Variants in GCH1 observed in about 807,000 individuals in gnomAD.
The protein encoded by GCH1 is GTP cyclohydrolase I.
In GCH1, 5 loss-of-function variants were observed where a neutral mutation model predicts 25.9. The observed-to-expected ratio is 0.19, with a 90% CI of 0.10 to 0.41. The LOEUF is 0.41. GCH1 is among the 10% of genes least tolerant of loss of function. The pLI, the probability that GCH1 is intolerant of heterozygous loss-of-function variation, is 1.00. For missense variants in GCH1, 261 were observed against 336.5 expected, an observed-to-expected ratio of 0.78 and a Z score of 1.75; for synonymous variants, 159 against 129.6, an observed-to-expected ratio of 1.23 and a Z score of -1.54.
At chr14:54,876,677 A>C (rs1395978737) in intron 1 of GCH1, among the ~76,000 whole-genome samples, 1 of 152,118 alleles carries the variant, frequency 6.6e-6, no homozygotes, top group East Asian at 1.9e-4. Context: ...AAATCATAAT[A>C]ATAATAATAA....
At chr14:54,874,959 T>G (rs1351410684) in intron 1 of GCH1, among the ~76,000 whole-genome samples, 1 of 152,090 alleles carries the variant, frequency 6.6e-6, no homozygotes, top group Non-Finnish European at 1.5e-5. Context: ...CTTCACAGAA[T>G]TGGAAAAAAC....
intron 1 of GCH1, among the ~76,000 whole-genome samples, chr14:54,867,661 T>C (rs1409256130): frequency 1.4e-5 from 2 of 145,754 alleles, no homozygotes; most frequent in Admixed American, 1.4e-4. Context: ...GGCAAGGTAC[T>C]CTGTACCTCA....
intron 1 of GCH1, among the ~76,000 whole-genome samples, chr14:54,876,076 A>G (rs2040155310): frequency 6.6e-6 from 1 of 152,248 alleles, no homozygotes; most frequent in African/African-American, 2.4e-5. Flanking sequence ...TATTCACAAT[A>G]GCAAAGACTT....
intron 1 of GCH1, among the ~76,000 whole-genome samples, chr14:54,896,775 C>G (rs1236551298): frequency 6.6e-6 from 1 of 151,346 alleles, no homozygotes; most frequent in Non-Finnish European, 1.5e-5. Context: ...AAAAAATTAG[C>G]CGGGTGTGGT....
intron 1 of GCH1, among the ~76,000 whole-genome samples, chr14:54,883,582 G>A (rs373802215): frequency 2.6e-5 from 4 of 152,142 alleles, no homozygotes; most frequent in Middle Eastern, 3.2e-3. Context: ...GGGAGGCTGA[G>A]GCAGGAGAAT....
At chr14:54,845,617 G>T (rs2039630260) in intron 5 of GCH1, 151 bp downstream of exon 5, 1 of 699,598 alleles carries the variant, frequency 1.4e-6, no homozygotes, top group Non-Finnish European at 2.6e-6. Context: ...AATGAAAGTG[G>T]TAAAAGAGCT....
intron 1 of GCH1, among the ~76,000 whole-genome samples, chr14:54,879,420 CAAAAAAAAAAAAA>C (rs34163543): frequency 2.2e-4 from 13 of 59,910 alleles, no homozygotes; most frequent in South Asian, 6.0e-4. Context: ...GTCCCTGTCT[CAAAAAAAAAAAAA>C]AAAAAAAAAA....
At chr14:54,862,186 C>T (rs2039906969) in intron 2 of GCH1, among the ~76,000 whole-genome samples, 1 of 151,956 alleles carries the variant, frequency 6.6e-6, no homozygotes, top group Admixed American at 6.6e-5. Flanking sequence ...TATGCACCCA[C>T]CATGCCCAAT....
At chr14:54,893,034 A>G (rs914571556) in intron 1 of GCH1, among the ~76,000 whole-genome samples, 52 of 152,202 alleles carry the variant, frequency 3.4e-4, no homozygotes, top group Middle Eastern at 6.4e-3. Context: ...AGCTGAGATC[A>G]TGCCACCGCA....
intron 4 of GCH1, among the ~76,000 whole-genome samples, 200 bp from the exon 5 acceptor site, chr14:54,846,052 A>T (rs2140042100): frequency 6.6e-6 from 1 of 152,328 alleles, no homozygotes; most frequent in East Asian, 1.9e-4. Context: ...CCTGAAGTAC[A>T]GGGCTAAAGA....
chr14:54,845,903 A>C, intron 4 of GCH1, 51 bp from the exon 5 acceptor site: 1 of 976,916 alleles, frequency 1.0e-6, no homozygotes, highest in Non-Finnish European at 1.7e-6. Flanking sequence ...AAACAGCTGG[A>C]AGCTTTTTCT....
intron 3 of GCH1, among the ~76,000 whole-genome samples, chr14:54,847,420 C>A: frequency 6.6e-6 from 1 of 152,180 alleles, no homozygotes; most frequent in Non-Finnish European, 1.5e-5. Context: ...CACACTTAAT[C>A]TGGGTGGGCA....
rs113998755 is a variant in GCH1, at chr14:54,898,309, T to C, written c.343+4012A>G. Among the ~76,000 whole-genome samples the C allele has an allele frequency of 9.6e-3, 1,463 of 152,312 alleles. 28 individuals are homozygous for C. The highest frequency in any genetic ancestry group is 0.033 in the African/African-American group (1,372 of 41,556). On this transcript the variant is annotated intron_variant, in intron 1 of 5. Transcript: ENST00000491895. ...AGTAGAAAAGACTTAAGATGGTATG[T>C]CTGTGTAGGGCACTTACCATGAAAG...
At chr14:54,890,887 C>T (rs1452921057) in intron 1 of GCH1, among the ~76,000 whole-genome samples, 3 of 152,140 alleles carry the variant, frequency 2.0e-5, no homozygotes, top group Non-Finnish European at 2.9e-5. Flanking sequence ...CCTGTCTCTC[C>T]ACCAGAAGCA....
At position 54,843,769 on chromosome 14, in the gene GCH1, T is replaced by C; in HGVS notation, c.*248A>G. 1 of 1,614,116 alleles carries C rather than the reference T, an allele frequency of 6.2e-7. No homozygotes were observed. The highest frequency in any genetic ancestry group is 8.5e-7 in the Non-Finnish European group (1 of 1,179,994). On this transcript the variant is annotated 3_prime_UTR_variant, in exon 6 of 6. Coordinates refer to ENST00000491895, the MANE Select transcript of GCH1 (RefSeq NM_000161.3). The stretch of plus-strand genomic sequence containing the variant: ...CTCTGGTTATCTGGCAGTGGTTTTG[T>C]GCACGTACTTACACTATTAGCAGTT...
chr14:54,900,958 T>C (rs935549354), intron 1 of GCH1, among the ~76,000 whole-genome samples: 1 of 152,114 alleles, frequency 6.6e-6, no homozygotes, highest in Non-Finnish European at 1.5e-5. Flanking sequence ...TCAGTCTTTG[T>C]ATTTTGAAAT....
chr14:54,846,563 AT>A (rs1352825270), intron 4 of GCH1, among the ~76,000 whole-genome samples: 1 of 152,230 alleles, frequency 6.6e-6, no homozygotes, highest in Non-Finnish European at 1.5e-5. Context: ...AAATGAGCCC[AT>A]TTTTGTTTAA....
At chr14:54,883,548 A>G (rs534928840) in intron 1 of GCH1, among the ~76,000 whole-genome samples, 11 of 151,944 alleles carry the variant, frequency 7.2e-5, no homozygotes, top group South Asian at 4.2e-4. Flanking sequence ...GCGTGGTGGC[A>G]GGCGCCTGTA....
chr14:54,851,424 A>G (rs946513039), intron 3 of GCH1, among the ~76,000 whole-genome samples: 6 of 152,254 alleles, frequency 3.9e-5, no homozygotes, highest in African/African-American at 1.4e-4. Flanking sequence ...CTACCATCAC[A>G]GTGAACAGGC....
Sources: gnomAD v4.1 joint callset for allele counts (sites outside exome capture counted in the v4.1 genomes callset) on GRCh38, gnomAD v4.1.1 for gene constraint, MANE v1.5 for transcripts, NCBI Gene and HGNC (gene_info 2026-07-23, HGNC 2026-07-21) for gene names.